Variants in SLC24A3 observed in about 807,000 individuals in gnomAD.
SLC24A3 encodes sodium/potassium/calcium exchanger 3.
In SLC24A3, 28 loss-of-function variants were observed where a neutral mutation model predicts 75.8. The observed-to-expected ratio is 0.37, with a 90% CI of 0.27 to 0.51. The LOEUF is 0.51. Among genes scored for constraint, SLC24A3 ranks in the 20% least tolerant of loss-of-function variants. The pLI, the probability that SLC24A3 is intolerant of heterozygous loss-of-function variation, is 0.94. For missense variants in SLC24A3, 663 were observed against 847.8 expected, an observed-to-expected ratio of 0.78 and a Z score of 2.71; for synonymous variants, 372 against 334.1, an observed-to-expected ratio of 1.11 and a Z score of -1.24.
chr20:19,389,500 T>G (rs1267670138), intron 2 of SLC24A3, among the ~76,000 whole-genome samples: 1 of 152,000 alleles, frequency 6.6e-6, no homozygotes, highest in African/African-American at 2.4e-5. Context: ...TATTCTTGGT[T>G]AGCAGGGTTT....
intron 6 of SLC24A3, among the ~76,000 whole-genome samples, chr20:19,652,253 C>G (rs901394667): frequency 3.3e-5 from 5 of 152,112 alleles, no homozygotes; most frequent in African/African-American, 1.2e-4. Flanking sequence ...ATAACAAGAA[C>G]GGTAATGGTA....
chr20:19,606,113 C>T (rs1314925621), intron 6 of SLC24A3, among the ~76,000 whole-genome samples: 1 of 152,214 alleles, frequency 6.6e-6, no homozygotes, highest in South Asian at 2.1e-4. Context: ...TCCATCAGGG[C>T]CTGTGGCAGC....
At chr20:19,490,044 T>C (rs983750672) in intron 2 of SLC24A3, among the ~76,000 whole-genome samples, 1 of 152,212 alleles carries the variant, frequency 6.6e-6, no homozygotes, top group South Asian at 2.1e-4. Flanking sequence ...CACCTGTTTC[T>C]GTGTTTGTAA....
chr20:19,554,731 GC>G (rs2030756091), intron 3 of SLC24A3, among the ~76,000 whole-genome samples: 1 of 152,174 alleles, frequency 6.6e-6, no homozygotes, highest in Admixed American at 6.5e-5. Context: ...GGCTCCAGAG[GC>G]AGCAGGCAGA....
chr20:19,694,466 T>C (rs1363244543), intron 13 of SLC24A3: 3 of 152,184 alleles, frequency 2.0e-5, no homozygotes, highest in African/African-American at 7.2e-5. Flanking sequence ...ACACAACTAA[T>C]TCATAATCAT....
chr20:19,513,264 G>A (rs1427354456), intron 2 of SLC24A3, among the ~76,000 whole-genome samples: 2 of 152,330 alleles, frequency 1.3e-5, no homozygotes, highest in South Asian at 2.1e-4. Context: ...TGTGTGAGGG[G>A]CGTCCCCAGC....
At chr20:19,421,837 G>A (rs1248848748) in intron 2 of SLC24A3, among the ~76,000 whole-genome samples, 2 of 152,188 alleles carry the variant, frequency 1.3e-5, no homozygotes, top group South Asian at 2.1e-4. Context: ...TCTCCCTTCT[G>A]CAAAATGCAC....
intron 2 of SLC24A3, among the ~76,000 whole-genome samples, chr20:19,424,424 T>C (rs1455648034): frequency 6.6e-6 from 1 of 152,222 alleles, no homozygotes; most frequent in Non-Finnish European, 1.5e-5. Flanking sequence ...GTGCAGTGGC[T>C]CATGCCAGTA....
intron 1 of SLC24A3, among the ~76,000 whole-genome samples, chr20:19,280,162 C>G (rs1039269582): frequency 5.9e-5 from 9 of 152,188 alleles, no homozygotes; most frequent in African/African-American, 2.2e-4. Flanking sequence ...TGCACTGGCC[C>G]CTTCAGTGTG....
At chr20:19,430,582 G>A (rs1341281067) in intron 2 of SLC24A3, among the ~76,000 whole-genome samples, 5 of 152,084 alleles carry the variant, frequency 3.3e-5, no homozygotes, top group African/African-American at 9.7e-5. Context: ...GTGCTAATGG[G>A]GAAAATAGTG....
chr20:19,640,623 G>A (rs1416004483), intron 6 of SLC24A3, among the ~76,000 whole-genome samples: 1 of 152,130 alleles, frequency 6.6e-6, no homozygotes, highest in Non-Finnish European at 1.5e-5. Flanking sequence ...GGTGGCGGAT[G>A]CCTGTAATCC....
chr20:19,556,576 GAA>G (rs10591708), intron 3 of SLC24A3, among the ~76,000 whole-genome samples: 16,844 of 130,968 alleles, frequency 0.13, 1,056 homozygotes, highest in East Asian at 0.23. Context: ...GCCAGTGTGT[GAA>G]AAAAAAAAAA....
Position 19,658,618 on chromosome 20 carries a change from T to C in SLC24A3, c.687+4482T>C, listed in dbSNP as rs12329599. ...CCTTCCCCAGCCCCAGTCAACTTTC[T>C]CTTAGCCCTGGTGACATTCCGTACT... On this transcript the variant is annotated intron_variant, in intron 7 of 16. Coordinates refer to ENST00000328041, the MANE Select transcript of SLC24A3 (RefSeq NM_020689.4). Among the ~76,000 whole-genome samples, 1,366 of 152,340 alleles carry C rather than the reference T, an allele frequency of 9.0e-3. 16 individuals are homozygous for C. The highest frequency in any genetic ancestry group is 0.031 in the African/African-American group (1,298 of 41,574).
chr20:19,385,358 T>C (rs139436683), intron 2 of SLC24A3, among the ~76,000 whole-genome samples: 29 of 152,366 alleles, frequency 1.9e-4, no homozygotes, highest in Non-Finnish European at 3.7e-4. Context: ...AATTTCATTA[T>C]TAAGCATGTT....
In SLC24A3 at chr20:19,498,100, T is replaced by C. The variant is rs116820850; in HGVS notation, c.272-17388T>C. ...GAACTGCACATGCGAGGGATCTAGGTTGCACACTCCTCATGAAATTCTAAT... is the reference window on the plus strand; with the variant it reads ...GAACTGCACATGCGAGGGATCTAGGCTGCACACTCCTCATGAAATTCTAAT... On this transcript the variant is annotated intron_variant, in intron 2 of 16. Coordinates refer to ENST00000328041, the MANE Select transcript of SLC24A3 (RefSeq NM_020689.4). 7.1e-3 allele frequency among the ~76,000 whole-genome samples: 1,084 copies of C among 152,220 alleles called. 11 individuals carry two copies. Among genetic ancestry groups the C allele is most frequent in the African/African-American group, 0.025 (1,053 of 41,532 alleles).
intron 2 of SLC24A3, among the ~76,000 whole-genome samples, chr20:19,504,215 C>T (rs1988429062): frequency 6.6e-6 from 1 of 152,116 alleles, no homozygotes; most frequent in South Asian, 2.1e-4. Context: ...AGAAAAAGGG[C>T]AGTTTTTAAG....
At chr20:19,563,027 A>G (rs543780412) in intron 3 of SLC24A3, among the ~76,000 whole-genome samples, 11 of 152,292 alleles carry the variant, frequency 7.2e-5, no homozygotes, top group African/African-American at 2.6e-4. Flanking sequence ...CCAATCTACA[A>G]TGGGCACTCA....
At chr20:19,325,791 T>TAGAGAG (rs1479182142) in intron 2 of SLC24A3, among the ~76,000 whole-genome samples, 6 of 89,438 alleles carry the variant, frequency 6.7e-5, no homozygotes, top group African/African-American at 1.7e-4. Flanking sequence ...TATATATATA[T>TAGAGAG]ATATAGAGAG....
At chr20:19,708,793 G>A (rs2032957497) in intron 15 of SLC24A3, among the ~76,000 whole-genome samples, 1 of 152,194 alleles carries the variant, frequency 6.6e-6, no homozygotes, top group African/African-American at 2.4e-5. Flanking sequence ...GGGAGCAAAA[G>A]TATCACCACC....
Sources: allele counts gnomAD v4.1 joint callset (sites outside exome capture counted in the v4.1 genomes callset), GRCh38; gene constraint gnomAD v4.1.1; transcripts MANE v1.5; gene names NCBI Gene and HGNC (gene_info 2026-07-23, HGNC 2026-07-21).